Variants in GRIP1 observed in about 807,000 individuals in gnomAD.
The protein encoded by GRIP1 is glutamate receptor-interacting protein 1.
A neutral mutation model predicts 129.9 loss-of-function variants in GRIP1; 45 were observed. The observed-to-expected ratio is 0.35, with a 90% CI of 0.27 to 0.44. GRIP1 has a LOEUF of 0.44. GRIP1 is among the 20% of genes least tolerant of loss of function. The probability of loss-of-function intolerance (pLI) is 1.00; values close to 1 mark genes in which losing one functional copy is unlikely to be tolerated. For synonymous variants in GRIP1, 530 were observed against 520.8 expected, an observed-to-expected ratio of 1.02 and a Z score of -0.24; for missense variants, 1,196 against 1,396.8, an observed-to-expected ratio of 0.86 and a Z score of 2.29.
chr12:66,455,687 C>A, intron 10 of GRIP1, 123 bp from the exon 11 acceptor site: 1 of 864,008 alleles, frequency 1.2e-6, no homozygotes, highest in African/African-American at 1.7e-5. Context: ...GGAAGGACCC[C>A]AGCCAGCTAG....
chr12:66,624,072 G>A (rs1416910884), intron 1 of GRIP1, among the ~76,000 whole-genome samples: 2 of 152,098 alleles, frequency 1.3e-5, no homozygotes, highest in Non-Finnish European at 2.9e-5. Context: ...TGTGCTAGAT[G>A]ATGGAAATAC....
At chr12:66,399,434 T>C (rs2056904749) in intron 16 of GRIP1, among the ~76,000 whole-genome samples, 1 of 151,960 alleles carries the variant, frequency 6.6e-6, no homozygotes, top group African/African-American at 2.4e-5. Flanking sequence ...GGTGTTTAAC[T>C]AGAAGAGAAA....
chr12:66,543,441 A>G (rs563625756), intron 2 of GRIP1, among the ~76,000 whole-genome samples: 2 of 152,346 alleles, frequency 1.3e-5, no homozygotes, highest in East Asian at 3.9e-4. Context: ...AAGAATGAAA[A>G]TTCTTGTCAA....
At chr12:66,614,856 C>A (rs570780833) in intron 1 of GRIP1, among the ~76,000 whole-genome samples, 1 of 152,214 alleles carries the variant, frequency 6.6e-6, no homozygotes, top group Admixed American at 6.5e-5. Flanking sequence ...TTTGACTAAA[C>A]CTTGCTACTC....
chr12:66,629,481 G>A (rs911996321), intron 1 of GRIP1, among the ~76,000 whole-genome samples: 1 of 152,192 alleles, frequency 6.6e-6, no homozygotes, highest in Non-Finnish European at 1.5e-5. Context: ...CCATGTCTTC[G>A]ATGACTGGTA....
chr12:66,802,374 T>C (rs1592859840), intron 1 of GRIP1, among the ~76,000 whole-genome samples: 2 of 152,200 alleles, frequency 1.3e-5, no homozygotes, highest in African/African-American at 4.8e-5. Flanking sequence ...ATCCTTAGCA[T>C]GGCCTTGACA....
intron 7 of GRIP1, among the ~76,000 whole-genome samples, chr12:66,474,865 T>C (rs2059555552): frequency 6.6e-6 from 1 of 152,198 alleles, no homozygotes; most frequent in Non-Finnish European, 1.5e-5. Flanking sequence ...TCCCAGCCAC[T>C]GCAAAAACAT....
chr12:66,828,533 A>G (rs1324978095), intron 1 of GRIP1, among the ~76,000 whole-genome samples: 1 of 152,244 alleles, frequency 6.6e-6, no homozygotes. Context: ...AAGTAAAAAT[A>G]GAATCAAGTA....
chr12:66,892,426 A>C (rs1170379492), intron 1 of GRIP1, among the ~76,000 whole-genome samples: 1 of 152,196 alleles, frequency 6.6e-6, no homozygotes, highest in Non-Finnish European at 1.5e-5. Context: ...AGAAATGGCA[A>C]AAACAATACA....
chr12:66,654,427 G>A (rs937391340), intron 1 of GRIP1, among the ~76,000 whole-genome samples: 1 of 152,158 alleles, frequency 6.6e-6, no homozygotes, highest in Non-Finnish European at 1.5e-5. Context: ...GGAAAATTTT[G>A]TGAAAATGAA....
At chr12:66,688,769 C>T (rs2034872107) in intron 1 of GRIP1, among the ~76,000 whole-genome samples, 1 of 146,302 alleles carries the variant, frequency 6.8e-6, no homozygotes, top group Admixed American at 6.8e-5. Context: ...ATCACTGACT[C>T]TGAAAAAAAA....
rs1555230330 is a variant in GRIP1 at position 66,723,239 on chromosome 12, T to TTCCTTC, written c.-420+80813_-420+80814insGAAGGA. ...CTTTCTTTCTTTCTCTCTCTCTCTC[T>TTCCTTC]CTTCCTTCCTTCCTTCCTTCCTTCC... On this transcript the variant is annotated intron_variant, in intron 1 of 4. Transcript: ENST00000538373. 5.1e-4 allele frequency among the ~76,000 whole-genome samples: 12 copies of TTCCTTC among 23,594 alleles called. 1 individual carries two copies. The highest frequency in any genetic ancestry group is 2.0e-3 in the South Asian group (1 of 510). 15.5% of individuals were successfully genotyped at this position (23,594 alleles called of 152,430 possible).
At chr12:66,789,888 G>C (rs1025348912) in intron 1 of GRIP1, among the ~76,000 whole-genome samples, 1 of 152,098 alleles carries the variant, frequency 6.6e-6, no homozygotes, top group East Asian at 1.9e-4. Context: ...TTTATAAGCA[G>C]AAAAGTTTCT....
At chr12:66,391,720 G>A (rs2056595379) in intron 19 of GRIP1, among the ~76,000 whole-genome samples, 1 of 152,164 alleles carries the variant, frequency 6.6e-6, no homozygotes, top group South Asian at 2.1e-4. Context: ...GTGTGGTGGT[G>A]TGTGCACATA....
At position 66,542,886 on chromosome 12, in the gene GRIP1, G is replaced by T. The variant is rs566465026; in HGVS notation, c.137-936C>A. On this transcript the variant is annotated intron_variant, in intron 2 of 24. Coordinates refer to ENST00000359742, the MANE Select transcript of GRIP1 (RefSeq NM_001366722.1). ...CTAAATTAAGTTACACATTTCAGGG[G>T]TAATGAACTTCTAGAACATCAAAGA... 4.7e-4 allele frequency among the ~76,000 whole-genome samples: 71 copies of T among 152,200 alleles called. No individual in the cohort carries two copies. In the South Asian group the frequency reaches 0.014, roughly 31 times the overall value.
intron 1 of GRIP1, among the ~76,000 whole-genome samples, chr12:66,707,502 CTAAA>C (rs2035572714): frequency 4.6e-5 from 4 of 86,052 alleles, no homozygotes; most frequent in Admixed American, 1.4e-4. Flanking sequence ...CAATCACTGA[CTAAA>C]AAAAAAAAAA....
chr12:66,876,699 G>A (rs543943372), intron 1 of GRIP1, among the ~76,000 whole-genome samples: 16 of 152,148 alleles, frequency 1.1e-4, no homozygotes, highest in African/African-American at 3.9e-4. Flanking sequence ...ATGCACAACT[G>A]GGGCAGCAAC....
At chr12:66,608,535 G>A (rs897885037) in intron 1 of GRIP1, among the ~76,000 whole-genome samples, 1 of 152,108 alleles carries the variant, frequency 6.6e-6, no homozygotes, top group Non-Finnish European at 1.5e-5. Flanking sequence ...GTTTCACCAC[G>A]TTGGCCAGGC....
At chr12:66,969,952 T>A (rs898241647) in intron 1 of GRIP1, among the ~76,000 whole-genome samples, 1 of 152,216 alleles carries the variant, frequency 6.6e-6, no homozygotes, top group Non-Finnish European at 1.5e-5. Flanking sequence ...ATCTACTTTT[T>A]CTATTAGAGC....
Sources: gnomAD v4.1 joint callset for allele counts (sites outside exome capture counted in the v4.1 genomes callset) on GRCh38, gnomAD v4.1.1 for gene constraint, MANE v1.5 for transcripts, NCBI Gene and HGNC (gene_info 2026-07-23, HGNC 2026-07-21) for gene names.